The following CELF2 variants were observed in gnomAD, a reference collection of about 807,000 sequenced individuals.
CELF2 encodes the protein CUGBP Elav-like family member 2.
In CELF2, 8 loss-of-function variants were observed where a neutral mutation model predicts 62.6. The ratio of observed to expected loss-of-function variants is 0.13; its 90% CI spans 0.07 to 0.23. CELF2 has a LOEUF of 0.23. Ranked by LOEUF, CELF2 falls within the 10% of genes least tolerant of loss-of-function variation. The pLI, the probability that CELF2 is intolerant of heterozygous loss-of-function variation, is 1.00. For missense variants in CELF2, 333 were observed against 671.0 expected (o/e 0.50, Z 5.56); for synonymous variants, 258 against 250.0 (o/e 1.03, Z -0.30).
At chr10:10,573,918 A>G in the CELF2 span, among the ~76,000 whole-genome samples, 1 of 152,112 alleles carries the variant, frequency 6.6e-6, no homozygotes, top group African/African-American at 2.4e-5. Flanking sequence ...TTTATATATT[A>G]TTCTGTAAAA....
At chr10:10,557,476 C>T in the CELF2 span, among the ~76,000 whole-genome samples, 4 of 138,238 alleles carry the variant, frequency 2.9e-5, no homozygotes, top group African/African-American at 5.9e-5. Flanking sequence ...GTGATGCCTC[C>T]AGCTTTGTTC....
At chr10:10,518,332 A>G in the CELF2 span, among the ~76,000 whole-genome samples, 1 of 152,360 alleles carries the variant, frequency 6.6e-6, no homozygotes, top group South Asian at 2.1e-4. Flanking sequence ...CCCAAGCTCC[A>G]CACAGTTGTG....
intron 2 of CELF2, among the ~76,000 whole-genome samples, chr10:10,973,804 A>T (rs1192814049): frequency 6.6e-6 from 1 of 151,696 alleles, no homozygotes; most frequent in African/African-American, 2.4e-5. Context: ...CTGCGCCCCA[A>T]CTACCCTCCC....
chr10:11,255,739 C>T lies in CELF2; in HGVS notation c.404-1999C>T, dbSNP rs1343378033. Reference sequence around the variant, plus strand: ...TCACCCCGAGTATGTCACAGGCCACCTTCTCTCCATTTCTAGGAGAGAAAA... The same window carrying T: ...TCACCCCGAGTATGTCACAGGCCACTTTCTCTCCATTTCTAGGAGAGAAAA... On this transcript the variant is annotated intron_variant, in intron 4 of 12. Transcript: ENST00000633077. The surrounding 1 kb of genome is among the most constrained non-coding windows in gnomAD (Gnocchi z 5.5). Among the ~76,000 whole-genome samples, 1 of 152,154 alleles carries T rather than the reference C, an allele frequency of 6.6e-6. No individual in the cohort carries two copies. The highest frequency in any genetic ancestry group is 1.9e-4 in the East Asian group (1 of 5,188).
At chr10:10,514,499 G>A in the CELF2 span, among the ~76,000 whole-genome samples, 2 of 152,196 alleles carry the variant, frequency 1.3e-5, no homozygotes, top group Non-Finnish European at 1.5e-5. Flanking sequence ...ACAAGAAACA[G>A]CAAGCGCAAA....
intron 1 of CELF2, among the ~76,000 whole-genome samples, chr10:10,818,330 A>G (rs1054550728): frequency 2.6e-5 from 4 of 152,146 alleles, no homozygotes; most frequent in Non-Finnish European, 4.4e-5. Context: ...CAGAGGACCC[A>G]AGCAGATCCA....
chr10:10,778,456 G>A, the CELF2 span, among the ~76,000 whole-genome samples: 1 of 152,192 alleles, frequency 6.6e-6, no homozygotes, highest in African/African-American at 2.4e-5. Flanking sequence ...TGACTTAACT[G>A]AGAAATAACT....
chr10:10,656,202 A>T, the CELF2 span, among the ~76,000 whole-genome samples: 1 of 149,654 alleles, frequency 6.7e-6, no homozygotes, highest in Admixed American at 6.7e-5. Context: ...AATGACAATC[A>T]TTAAAAAGTC....
intron 2 of CELF2, among the ~76,000 whole-genome samples, chr10:11,181,500 T>A (rs2073362418): frequency 6.6e-6 from 1 of 152,228 alleles, no homozygotes; most frequent in African/African-American, 2.4e-5. Context: ...TTCCTCTACC[T>A]AGAGGTGTCA....
chr10:10,871,352 C>T (rs2060734560), intron 1 of CELF2, among the ~76,000 whole-genome samples: 1 of 152,198 alleles, frequency 6.6e-6, no homozygotes, highest in Non-Finnish European at 1.5e-5. Flanking sequence ...ATCTATGCGC[C>T]ACATCTAATG....
chr10:10,521,630 C>T, the CELF2 span, among the ~76,000 whole-genome samples: 722 of 152,234 alleles, frequency 4.7e-3, 2 homozygotes, highest in Admixed American at 6.5e-3. Flanking sequence ...CTTCATGTAA[C>T]TCGTCTGAAG....
chr10:10,731,352 T>C, the CELF2 span, among the ~76,000 whole-genome samples: 1 of 152,198 alleles, frequency 6.6e-6, no homozygotes, highest in Non-Finnish European at 1.5e-5. Flanking sequence ...TGGATTACCA[T>C]GGTCATTCAG....
chr10:10,497,152 T>A, the CELF2 span, among the ~76,000 whole-genome samples: 1 of 144,680 alleles, frequency 6.9e-6, no homozygotes, highest in Non-Finnish European at 1.5e-5. Flanking sequence ...GCCACTGCAC[T>A]CCAGCTTGGG....
the CELF2 span, among the ~76,000 whole-genome samples, chr10:10,690,710 T>A: frequency 6.6e-6 from 1 of 151,954 alleles, no homozygotes; most frequent in Non-Finnish European, 1.5e-5. Context: ...TGAAACCCCA[T>A]CTCTACTAAA....
intron 9 of CELF2, among the ~76,000 whole-genome samples, chr10:11,299,888 A>G (rs572448897): frequency 2.0e-5 from 3 of 152,196 alleles, no homozygotes; most frequent in Non-Finnish European, 4.4e-5. Flanking sequence ...GGAAGTATAT[A>G]CTTTTGTTTC....
the CELF2 span, among the ~76,000 whole-genome samples, chr10:10,548,935 G>A: frequency 1.3e-5 from 2 of 152,050 alleles, no homozygotes; most frequent in African/African-American, 2.4e-5. Flanking sequence ...TTCAGTTATC[G>A]GTACCTGTAC....
At chr10:11,076,341 G>A (rs2071919761) in intron 1 of CELF2, among the ~76,000 whole-genome samples, 1 of 152,186 alleles carries the variant, frequency 6.6e-6, no homozygotes, top group Non-Finnish European at 1.5e-5. Context: ...AAGGGACAGA[G>A]TAAAAAGAAA....
chr10:10,739,036 G>T, the CELF2 span, among the ~76,000 whole-genome samples: 1 of 151,928 alleles, frequency 6.6e-6, no homozygotes, highest in Non-Finnish European at 1.5e-5. Context: ...AAAAATTAAA[G>T]TCTATTTAAA....
chr10:11,190,071 C>A (rs1245374607), intron 2 of CELF2, among the ~76,000 whole-genome samples: 1 of 152,212 alleles, frequency 6.6e-6, no homozygotes, highest in African/African-American at 2.4e-5. Flanking sequence ...TTTCTGCAAA[C>A]TCCTGTAAAG....
Sources: allele counts gnomAD v4.1 joint callset (sites outside exome capture counted in the v4.1 genomes callset), GRCh38; gene constraint gnomAD v4.1.1; non-coding constraint Gnocchi (gnomAD v3.1); transcripts MANE v1.5; gene names NCBI Gene and HGNC (gene_info 2026-07-23, HGNC 2026-07-21).